SPECC1: variants seen among roughly 807,000 people sequenced by gnomAD.
The protein encoded by SPECC1 is cytospin-B.
A neutral mutation model predicts 104.1 loss-of-function variants in SPECC1; 62 were observed. That is an observed-to-expected ratio of 0.60 (90% CI 0.49 to 0.74). The LOEUF (loss-of-function observed/expected upper bound fraction) is 0.74, where lower values mean the gene tolerates loss of function less well. Ranked by LOEUF, SPECC1 falls within the 30% of genes least tolerant of loss-of-function variation. The pLI, the probability that SPECC1 is intolerant of heterozygous loss-of-function variation, is 0.00. For synonymous variants in SPECC1, 513 were observed against 501.6 expected, an observed-to-expected ratio of 1.02 and a Z score of -0.30; for missense variants, 1,306 against 1,310.5, an observed-to-expected ratio of 1.00 and a Z score of 0.05.
chr17:20,120,696 ATT>A (rs2048984449), intron 3 of SPECC1, among the ~76,000 whole-genome samples: 2 of 152,132 alleles, frequency 1.3e-5, no homozygotes, highest in Non-Finnish European at 2.9e-5. Context: ...TCTATATTTT[ATT>A]TCAATTGTAT....
chr17:20,021,242 C>T (rs567536135), intron 1 of SPECC1, among the ~76,000 whole-genome samples: 1 of 152,106 alleles, frequency 6.6e-6, no homozygotes, highest in South Asian at 2.1e-4. Context: ...TGTAAGTGGA[C>T]ACAGGCAGTT....
In SPECC1 at chr17:20,110,452, C is replaced by T. The variant is rs774022737; in HGVS notation, c.173C>T (p.Thr58Met). ...CTCAAGAGGGCCAGCAGTGAGGACA[C>T]GCTCAACAAGCCAGGAAGTACCGCT... The part of the protein sequence containing the change: ...SRLKRASSED[T>M]LNKPGSTAAS... The change falls in exon 3 of 15, where the codon ACG becomes ATG. Residue 58 changes from threonine (T) to methionine (M), a missense_variant. By Grantham distance (81) the Thr-to-Met change is moderately conservative. Coordinates refer to ENST00000395527, the MANE Select transcript of SPECC1 (RefSeq NM_001243439.2). The T allele has an allele frequency of 8.7e-6, 14 of 1,613,582 alleles. No individual in the cohort carries two copies. Among genetic ancestry groups the T allele is most frequent in the African/African-American group, 6.7e-5 (5 of 74,910 alleles).
intron 3 of SPECC1, among the ~76,000 whole-genome samples, chr17:20,183,768 C>G (rs181949976): frequency 9.2e-4 from 140 of 152,144 alleles, no homozygotes; most frequent in African/African-American, 3.3e-3. Flanking sequence ...CAGATGTACC[C>G]ATCCCTTTTT....
intron 3 of SPECC1, among the ~76,000 whole-genome samples, chr17:20,182,673 C>T (rs2034989854): frequency 6.6e-6 from 1 of 152,092 alleles, no homozygotes; most frequent in African/African-American, 2.4e-5. Context: ...GTATTTGTGA[C>T]TTAGTATAAC....
At chr17:20,035,277 A>T (rs952570742) in intron 1 of SPECC1, among the ~76,000 whole-genome samples, 1 of 151,946 alleles carries the variant, frequency 6.6e-6, no homozygotes, top group Admixed American at 6.6e-5. Context: ...TCCTTTGCAT[A>T]TTTCCGTATA....
chr17:20,246,148 A>C (rs1177833258), intron 8 of SPECC1, 77 bp downstream of exon 8: 2 of 1,540,358 alleles, frequency 1.3e-6, no homozygotes, highest in East Asian at 2.3e-5. Context: ...TACTATCTCT[A>C]CTCCACCCTG....
intron 1 of SPECC1, among the ~76,000 whole-genome samples, chr17:20,030,127 C>G (rs2044751243): frequency 6.6e-6 from 1 of 152,144 alleles, no homozygotes; most frequent in Non-Finnish European, 1.5e-5. Flanking sequence ...TTAAGCCACT[C>G]AATTTGTGGT....
chr17:20,245,661 A>T (rs2039391746), intron 7 of SPECC1, among the ~76,000 whole-genome samples: 1 of 152,170 alleles, frequency 6.6e-6, no homozygotes, highest in Admixed American at 6.5e-5. Context: ...CACACTTTTT[A>T]TTTAGAGCTA....
intron 3 of SPECC1, among the ~76,000 whole-genome samples, chr17:20,137,730 A>G (rs1346280665): frequency 6.6e-6 from 1 of 152,012 alleles, no homozygotes. Flanking sequence ...CAGTGGCACA[A>G]TCTTGGCTTA....
intron 1 of SPECC1, chr17:20,095,726 T>C (rs2047613526): frequency 6.6e-6 from 1 of 152,480 alleles, no homozygotes; most frequent in South Asian, 2.1e-4. Context: ...TTGTCACTTG[T>C]GGGTGTTTTG....
chr17:20,252,471 C>CT (rs1228365446), intron 9 of SPECC1, among the ~76,000 whole-genome samples: 1 of 152,174 alleles, frequency 6.6e-6, no homozygotes, highest in East Asian at 1.9e-4. Flanking sequence ...TCCTCTAGAA[C>CT]TTTGTTATCT....
intron 3 of SPECC1, among the ~76,000 whole-genome samples, chr17:20,131,074 T>C (rs1310248868): frequency 6.6e-6 from 1 of 152,260 alleles, no homozygotes; most frequent in East Asian, 1.9e-4. Context: ...GTTTGCCTTA[T>C]ACCTTGCAAC....
intron 3 of SPECC1, chr17:20,156,275 C>T: frequency 2.3e-6 from 3 of 1,287,962 alleles, no homozygotes; most frequent in Non-Finnish European, 2.0e-6. Context: ...CAGCCGCAAC[C>T]CCACCCCCCC....
intron 1 of SPECC1, among the ~76,000 whole-genome samples, chr17:20,019,230 T>G (rs2044274768): frequency 8.4e-6 from 1 of 119,608 alleles, no homozygotes; most frequent in Admixed American, 8.6e-5. Flanking sequence ...ATTTATTTAT[T>G]TATTTATTTA....
intron 1 of SPECC1, chr17:20,017,213 A>C (rs2044173638): frequency 6.6e-6 from 1 of 152,188 alleles, no homozygotes; most frequent in South Asian, 2.1e-4. Context: ...ATGCGTTCTT[A>C]TTACTGCTCA....
In SPECC1 at chr17:20,315,044, C is replaced by T. The variant is rs377372372; in HGVS notation, c.*979C>T. Reference sequence around the variant, plus strand: ...GCCTTTGTCCTCCCATTCGTTTACCCTCCCGTTCACATCCACACAGGCTTG... The same window carrying T: ...GCCTTTGTCCTCCCATTCGTTTACCTTCCCGTTCACATCCACACAGGCTTG... On this transcript the variant is annotated 3_prime_UTR_variant, in exon 15 of 15. Transcript: ENST00000395527. 8 of 232,820 alleles carry T rather than the reference C, an allele frequency of 3.4e-5. No homozygotes were observed. The highest frequency in any genetic ancestry group is 1.2e-4 in the East Asian group (2 of 16,526). The allele number at this position is 232,820 out of a possible 1,614,324, so 14.4% of individuals were successfully genotyped here. A position where few individuals can be genotyped will look rare whatever the true frequency, so the allele number is the denominator to read the frequency against.
intron 3 of SPECC1, among the ~76,000 whole-genome samples, chr17:20,161,529 A>ACC (rs1168558390): frequency 1.4e-4 from 21 of 152,328 alleles, no homozygotes; most frequent in African/African-American, 4.6e-4. Context: ...GTATTATTTA[A>ACC]TGGAGAACCA....
chr17:20,155,966 G>A (rs1314038707), intron 3 of SPECC1: 7 of 1,261,380 alleles, frequency 5.5e-6, no homozygotes, highest in African/African-American at 1.6e-5. Flanking sequence ...CAGATGAAGG[G>A]GGCGGGCCGC....
chr17:20,289,812 G>A (rs1399161620), intron 12 of SPECC1, among the ~76,000 whole-genome samples: 5 of 152,122 alleles, frequency 3.3e-5, no homozygotes, highest in East Asian at 1.9e-4. Flanking sequence ...GAAAGGGAAC[G>A]TCTTTATTTA....
Sources: allele counts gnomAD v4.1 joint callset (sites outside exome capture counted in the v4.1 genomes callset), GRCh38; gene constraint gnomAD v4.1.1; transcripts MANE v1.5; gene names NCBI Gene and HGNC (gene_info 2026-07-23, HGNC 2026-07-21).